Variants in IL5 observed in about 807,000 individuals in gnomAD.
The protein encoded by IL5 is interleukin 5, also known as interleukin-5.
A neutral mutation model predicts 16.3 loss-of-function variants in IL5; 12 were observed. The observed-to-expected ratio is 0.74, with a 90% CI of 0.47 to 1.20. The LOEUF is 1.20. Ranked by LOEUF, IL5 falls within the 50% of genes most tolerant of loss-of-function variation. The pLI is 0.00. For missense variants in IL5, 159 were observed against 153.9 expected, an observed-to-expected ratio of 1.03 and a Z score of -0.17; for synonymous variants, 54 against 56.6, an observed-to-expected ratio of 0.95 and a Z score of 0.21.
intron 1 of IL5, among the ~76,000 whole-genome samples, chr5:132,549,626 G>A (rs1024846727): frequency 4.6e-5 from 7 of 151,996 alleles, no homozygotes; most frequent in African/African-American, 1.2e-4. Flanking sequence ...TTACATTGGT[G>A]GGTAACATCC....
chr5:132,552,011 G>A (rs537588678), intron 1 of IL5, among the ~76,000 whole-genome samples: 3 of 152,176 alleles, frequency 2.0e-5, no homozygotes, highest in Non-Finnish European at 4.4e-5. Flanking sequence ...TGGGCGCAGC[G>A]GCTCAAGCCT....
chr5:132,543,015 G>T, intron 2 of IL5, 79 bp downstream of exon 2: 1 of 1,052,822 alleles, frequency 9.5e-7, no homozygotes, highest in South Asian at 1.3e-5. Flanking sequence ...TAGTTCCAAT[G>T]ATAACTAATG....
chr5:132,546,784 G>A (rs1749801030), upstream of IL5, among the ~76,000 whole-genome samples: 1 of 152,094 alleles, frequency 6.6e-6, no homozygotes, highest in Admixed American at 6.5e-5. Context: ...TCAGCACTTT[G>A]GGAGGCTGAG....
chr5:132,552,513 T>C (rs1749899687), intron 1 of IL5, among the ~76,000 whole-genome samples: 1 of 152,174 alleles, frequency 6.6e-6, no homozygotes, highest in Non-Finnish European at 1.5e-5. Context: ...GCTTTTATCT[T>C]AGTTTTATAG....
At chr5:132,548,524 T>C (rs1218303620) in intron 1 of IL5, among the ~76,000 whole-genome samples, 1 of 152,252 alleles carries the variant, frequency 6.6e-6, no homozygotes, top group Non-Finnish European at 1.5e-5. Flanking sequence ...ATTATACTGT[T>C]GATAAGAAAA....
At chr5:132,556,592 T>G in intron 1 of IL5, 1 of 837,658 alleles carries the variant, frequency 1.2e-6, no homozygotes, top group South Asian at 2.3e-5. Context: ...TCATCACATG[T>G]TATGTGATCA....
intron 1 of IL5, among the ~76,000 whole-genome samples, chr5:132,554,836 G>T (rs988718054): frequency 1.3e-5 from 2 of 152,176 alleles, no homozygotes; most frequent in Admixed American, 1.3e-4. Context: ...GATGTGTATT[G>T]TAATGAATCT....
At chr5:132,547,794 G>C (rs1244180116), upstream of IL5, among the ~76,000 whole-genome samples, 1 of 152,178 alleles carries the variant, frequency 6.6e-6, no homozygotes, top group East Asian at 1.9e-4. Context: ...CTGCGGCGAG[G>C]CATGATGGGT....
chr5:132,544,317 G>A (rs1006674523), upstream of IL5, among the ~76,000 whole-genome samples: 3 of 152,172 alleles, frequency 2.0e-5, no homozygotes, highest in African/African-American at 7.2e-5. Flanking sequence ...TTTCTGACAA[G>A]GGTCACATGT....
chr5:132,552,276 A>AAAC (rs879370390), intron 1 of IL5, among the ~76,000 whole-genome samples: 8 of 152,112 alleles, frequency 5.3e-5, no homozygotes, highest in African/African-American at 9.7e-5. Context: ...TCAAAAACAA[A>AAAC]AACAACAACA....
upstream of IL5, among the ~76,000 whole-genome samples, chr5:132,545,619 A>C (rs1305065595): frequency 1.3e-5 from 2 of 152,168 alleles, no homozygotes; most frequent in African/African-American, 4.8e-5. Flanking sequence ...GGTGTAATAC[A>C]TCAAAGCTGG....
chr5:132,543,619 G>T (rs140260445), upstream of IL5: 45 of 706,988 alleles, frequency 6.4e-5, 1 homozygote, highest in Middle Eastern at 8.3e-4. Context: ...ATGGCATATC[G>T]TGAAACTAAA....
chr5:132,554,807 A>AT (rs1463223160), intron 1 of IL5, among the ~76,000 whole-genome samples: 1 of 152,236 alleles, frequency 6.6e-6, no homozygotes, highest in African/African-American at 2.4e-5. Context: ...GTCCATCAAT[A>AT]GATGGATAAG....
At chr5:132,549,934 T>G (rs2149826138) in intron 1 of IL5, among the ~76,000 whole-genome samples, 1 of 152,376 alleles carries the variant, frequency 6.6e-6, no homozygotes, top group African/African-American at 2.4e-5. Context: ...AATTTCTTGG[T>G]ATAGCAACTA....
intron 1 of IL5, chr5:132,556,668 A>C (rs1407252532): frequency 2.4e-6 from 3 of 1,251,250 alleles, no homozygotes; most frequent in Non-Finnish European, 3.1e-6. Flanking sequence ...TTTGACACGA[A>C]CTGACCCCGC....
intron 1 of IL5, among the ~76,000 whole-genome samples, chr5:132,549,216 C>T (rs1054045175): frequency 4.6e-5 from 7 of 152,128 alleles, no homozygotes; most frequent in South Asian, 2.1e-4. Context: ...CCACCACGCC[C>T]GGCTAACTTT....
At chr5:132,550,040 A>G (rs1024123028) in intron 1 of IL5, among the ~76,000 whole-genome samples, 8 of 98,434 alleles carry the variant, frequency 8.1e-5, no homozygotes, top group Non-Finnish European at 1.9e-4. Context: ...TATCTTTTTT[A>G]TGAGTATTTC....
At chr5:132,543,160 G>A (rs1311945831) in intron 1 of IL5, 34 bp from the exon 2 acceptor site, 2 of 1,585,294 alleles carry the variant, frequency 1.3e-6, no homozygotes, top group Non-Finnish European at 1.7e-6. Flanking sequence ...CATTTTTACA[G>A]CACACCAGCA....
At chr5:132,546,428 T>C (rs1749788638), upstream of IL5, among the ~76,000 whole-genome samples, 1 of 152,212 alleles carries the variant, frequency 6.6e-6, no homozygotes, top group Non-Finnish European at 1.5e-5. Flanking sequence ...CTTATATCAT[T>C]TAGCATAATG....
Sources: gnomAD v4.1 joint callset for allele counts (sites outside exome capture counted in the v4.1 genomes callset) on GRCh38, gnomAD v4.1.1 for gene constraint, MANE v1.5 for transcripts, NCBI Gene and HGNC (gene_info 2026-07-23, HGNC 2026-07-21) for gene names.